Variants in RAB8B observed in about 807,000 individuals in gnomAD.
RAB8B encodes ras-related protein Rab-8B.
In RAB8B, 11 loss-of-function variants were observed where a neutral mutation model predicts 32.0. That is an observed-to-expected ratio of 0.34 (90% CI 0.22 to 0.57). RAB8B has a LOEUF of 0.57. Ranked by LOEUF, RAB8B falls within the 20% of genes least tolerant of loss-of-function variation. The pLI is 0.86. For synonymous variants in RAB8B, 103 were observed against 89.6 expected (o/e 1.15, Z -0.85); for missense variants, 190 against 258.5 (o/e 0.73, Z 1.82).
intron 1 of RAB8B, among the ~76,000 whole-genome samples, chr15:63,223,464 A>G (rs1303425771): frequency 6.6e-6 from 1 of 152,178 alleles, no homozygotes; most frequent in East Asian, 1.9e-4. Flanking sequence ...ATGTTTAGAT[A>G]TGTTTAAACA....
intron 6 of RAB8B, among the ~76,000 whole-genome samples, chr15:63,261,101 A>C (rs2038199929): frequency 6.6e-6 from 1 of 152,326 alleles, no homozygotes; most frequent in East Asian, 1.9e-4. Context: ...CCAAGTTAAA[A>C]ATGGACAAAA....
At chr15:63,219,038 G>A in intron 1 of RAB8B, among the ~76,000 whole-genome samples, 2 of 71,896 alleles carry the variant, frequency 2.8e-5, no homozygotes, top group Non-Finnish European at 3.1e-5. Context: ...TTTTTTAGAA[G>A]GAAAGAGATC....
intron 1 of RAB8B, among the ~76,000 whole-genome samples, chr15:63,230,052 A>T (rs141581900): frequency 6.7e-6 from 1 of 148,362 alleles, no homozygotes; most frequent in East Asian, 2.4e-4. Context: ...TTGTGCCAAA[A>T]TGTTGATTTT....
intron 3 of RAB8B, chr15:63,251,254 A>T (rs1197665706): frequency 2.2e-6 from 1 of 455,994 alleles, no homozygotes; most frequent in South Asian, 1.5e-5. Context: ...CCAGGAAGAC[A>T]TTTGTTTGTT....
intron 6 of RAB8B, 63 bp from the exon 7 acceptor site, chr15:63,262,623 GTGTATA>G (rs2038211951): frequency 7.7e-5 from 14 of 181,380 alleles, no homozygotes; most frequent in East Asian, 5.9e-4. Context: ...ATATATATAT[GTGTATA>G]TATATATATA....
intron 2 of RAB8B, among the ~76,000 whole-genome samples, chr15:63,245,852 A>G (rs1346751657): frequency 6.6e-6 from 1 of 152,240 alleles, no homozygotes; most frequent in Non-Finnish European, 1.5e-5. Flanking sequence ...ATGAAGCTGA[A>G]TATAACTTTA....
At chr15:63,245,477 A>C (rs2038063711) in intron 2 of RAB8B, among the ~76,000 whole-genome samples, 1 of 152,228 alleles carries the variant, frequency 6.6e-6, no homozygotes, top group Non-Finnish European at 1.5e-5. Flanking sequence ...GGTTCCCCCC[A>C]CCACCACCAG....
intron 1 of RAB8B, among the ~76,000 whole-genome samples, chr15:63,204,848 T>C (rs1365907514): frequency 4.6e-5 from 7 of 152,300 alleles, no homozygotes; most frequent in African/African-American, 1.7e-4. Flanking sequence ...TTTCCTCCAT[T>C]TAACACTTTT....
At chr15:63,222,631 G>A (rs2037854059) in intron 1 of RAB8B, among the ~76,000 whole-genome samples, 1 of 152,178 alleles carries the variant, frequency 6.6e-6, no homozygotes, top group Admixed American at 6.5e-5. Flanking sequence ...TCCGCTTCCT[G>A]GGCGCAAGCA....
chr15:63,208,534 C>T (rs1178782426), intron 1 of RAB8B, among the ~76,000 whole-genome samples: 1 of 152,116 alleles, frequency 6.6e-6, no homozygotes. Context: ...TTGGCTTTCA[C>T]CTTCTTTTAT....
chr15:63,219,699 T>C (rs2037827343), intron 1 of RAB8B, among the ~76,000 whole-genome samples: 2 of 152,212 alleles, frequency 1.3e-5, no homozygotes, highest in Non-Finnish European at 2.9e-5. Flanking sequence ...ACTGAAGACT[T>C]GTCTCATTTT....
chr15:63,225,090 G>A (rs1008833728), intron 1 of RAB8B, among the ~76,000 whole-genome samples: 12 of 152,154 alleles, frequency 7.9e-5, no homozygotes, highest in South Asian at 2.1e-4. Flanking sequence ...ATATAATATC[G>A]TCTTTAACGT....
At chr15:63,201,664 G>A (rs543928376) in intron 1 of RAB8B, among the ~76,000 whole-genome samples, 2 of 152,208 alleles carry the variant, frequency 1.3e-5, no homozygotes, top group South Asian at 2.1e-4. Flanking sequence ...GACCTTTGCC[G>A]TTTACAAAGT....
At chr15:63,210,793 T>A (rs746091898) in intron 1 of RAB8B, among the ~76,000 whole-genome samples, 6 of 152,180 alleles carry the variant, frequency 3.9e-5, no homozygotes, top group African/African-American at 7.2e-5. Context: ...TTTTTTTTAC[T>A]AGGCTGTAGG....
intron 1 of RAB8B, among the ~76,000 whole-genome samples, chr15:63,208,077 A>G (rs948341332): frequency 3.9e-5 from 6 of 152,182 alleles, no homozygotes; most frequent in African/African-American, 1.4e-4. Context: ...TCTGATTATC[A>G]TATTAATCCC....
chr15:63,202,800 G>T (rs1030857163), intron 1 of RAB8B, among the ~76,000 whole-genome samples: 2 of 152,076 alleles, frequency 1.3e-5, no homozygotes, highest in Admixed American at 6.5e-5. Flanking sequence ...AGTTTTCCTC[G>T]CAGACACAGT....
At chr15:63,199,087 T>G (rs2037626711) in intron 1 of RAB8B, among the ~76,000 whole-genome samples, 1 of 152,218 alleles carries the variant, frequency 6.6e-6, no homozygotes, top group African/African-American at 2.4e-5. Context: ...GAGAGTCAAC[T>G]GTTCCCCTTT....
At chr15:63,202,089 TA>T (rs146981058) in intron 1 of RAB8B, among the ~76,000 whole-genome samples, 69 of 85,734 alleles carry the variant, frequency 8.0e-4, no homozygotes, top group East Asian at 4.3e-3. Context: ...CCGTCTCTAC[TA>T]AAAAAAAAAA....
chr15:63,255,898 A>C (rs2038155206), intron 4 of RAB8B, among the ~76,000 whole-genome samples: 1 of 152,260 alleles, frequency 6.6e-6, no homozygotes, highest in Non-Finnish European at 1.5e-5. Flanking sequence ...CAGCCTTTAA[A>C]AAGAAGAGCC....
Sources: gnomAD v4.1 joint callset for allele counts (sites outside exome capture counted in the v4.1 genomes callset) on GRCh38, gnomAD v4.1.1 for gene constraint, MANE v1.5 for transcripts, NCBI Gene and HGNC (gene_info 2026-07-23, HGNC 2026-07-21) for gene names.